Variants in IMPDH1 observed in about 807,000 individuals in gnomAD.
The protein encoded by IMPDH1 is inosine monophosphate dehydrogenase 1, also known as inosine-5'-monophosphate dehydrogenase 1.
IMPDH1 carries 41 observed loss-of-function variants against 73.5 expected under a neutral mutation model. That is an observed-to-expected ratio of 0.56 (90% CI 0.43 to 0.72). IMPDH1 has a LOEUF of 0.72. Among genes scored for constraint, IMPDH1 ranks in the 30% least tolerant of loss-of-function variants. The pLI is 0.00. For synonymous variants in IMPDH1, 318 were observed against 334.3 expected, an observed-to-expected ratio of 0.95 and a Z score of 0.53; for missense variants, 645 against 824.8, an observed-to-expected ratio of 0.78 and a Z score of 2.67.
chr7:128,400,694 G>C lies in IMPDH1; in HGVS notation c.579+123C>G, dbSNP rs187267062. The C allele has an allele frequency of 3.8e-4, 447 of 1,187,130 alleles. 2 individuals carry two copies. The highest frequency in any genetic ancestry group is 3.1e-3 in the African/African-American group (206 of 66,644). 73.5% of individuals were successfully genotyped at this position (1,187,130 alleles called of 1,614,324 possible). On this transcript the variant is annotated intron_variant, in intron 7 of 16. Coordinates refer to ENST00000338791, the MANE Select transcript of IMPDH1 (RefSeq NM_000883.4). ...GGGAAAATGAGGGCTCGGCCCCAAG[G>C]CTCCACTGAGAGGAAGGACACGCAG...
intron 10 of IMPDH1, among the ~76,000 whole-genome samples, chr7:128,397,538 CA>C (rs1798012801): frequency 6.6e-6 from 1 of 152,286 alleles, no homozygotes. Flanking sequence ...CCTTTGTTTG[CA>C]GTCTGTTGTG....
Position 128,409,449 on chromosome 7 carries a change from G to A in IMPDH1, c.182C>T (p.Pro61Leu). Residue 61 changes from proline to leucine, a missense_variant, in exon 2 of 17, where the codon CCC becomes CTC. By Grantham distance (98) the Pro-to-Leu change is moderately conservative (BLOSUM62 -3). This residue lies in a region of IMPDH1 where 186 missense variants were observed against 186.6 expected (regional missense o/e 1.00). Transcript: ENST00000338791. ...RLDLATHPTT[P>L]RSELSSVVLL... ...CCAGGAGTTGGAGCCACCTGAACGG[G>A]GTGTCGTCGGGTGTGTAGCGAGGTC... 1 of 1,614,204 alleles carries A rather than the reference G, an allele frequency of 6.2e-7. No homozygotes were observed. The highest frequency in any genetic ancestry group is 8.5e-7 in the Non-Finnish European group (1 of 1,180,030).
chr7:128,397,146 T>C (rs1584723534), intron 10 of IMPDH1, 124 bp from the exon 11 acceptor site: 1 of 639,756 alleles, frequency 1.6e-6, no homozygotes, highest in Non-Finnish European at 2.7e-6. Context: ...TCTTTCCTTC[T>C]GGTTGTTTTT....
chr7:128,405,806 G>T lies in IMPDH1; in HGVS notation c.314C>A (p.Ala105Glu), dbSNP rs1484856622. The T allele has an allele frequency of 5.8e-6, 9 of 1,543,174 alleles. No individual in the cohort carries two copies. Among genetic ancestry groups the T allele is most frequent in the Non-Finnish European group, 7.9e-6 (9 of 1,146,068 alleles). Residue 105 changes from alanine (A) to glutamate (E), a missense_variant, in exon 4 of 17, where the codon GCG becomes GAG. This residue lies in a region of IMPDH1 where 186 missense variants were observed against 186.6 expected (regional missense o/e 1.00). Transcript: ENST00000338791. ...GTCGGCGCTGGCGAAGAGCTGCTGC[G>T]CGGTGAGCCCATCCTCGGGCACGTA... ...TGYVPEDGLT[A>E]QQLFASADGL... is the part of the protein sequence containing the mutation.
rs1385637372 is a variant in IMPDH1 at position 128,396,433 on chromosome 7, G to A, written c.1261+167C>T. Among the ~76,000 whole-genome samples, 1 of 152,208 alleles carries A rather than the reference G, an allele frequency of 6.6e-6. No homozygotes were observed. The highest frequency in any genetic ancestry group is 1.5e-5 in the Non-Finnish European group (1 of 68,030). On this transcript the variant is annotated intron_variant, in intron 12 of 16. Transcript: ENST00000338791. This position sits in a 1 kb window ranked among gnomAD's most constrained non-coding sequence, Gnocchi z 4.0. ...CAGCTCTTGCACCCTGCTTACACCTGCCTTCCCCTAAGTCAGTGGGCCCGA... is the reference window on the plus strand; with the variant it reads ...CAGCTCTTGCACCCTGCTTACACCTACCTTCCCCTAAGTCAGTGGGCCCGA...
In IMPDH1 at chr7:128,396,780, A is replaced by AC. The variant is rs565650720; in HGVS notation, c.1166-86dup. On this transcript the variant is annotated intron_variant, in intron 11 of 16. Transcript: ENST00000338791. The surrounding 1 kb of genome is among the most constrained non-coding windows in gnomAD (Gnocchi z 4.0). ...CAGCCTCTTGGGACCCCAGTCTAGC[A>AC]CCCCCCAACCCCCCTACAGTGACCA... 8 of 1,244,044 alleles carry AC rather than the reference A, an allele frequency of 6.4e-6. No homozygotes were observed. In the Admixed American group the frequency reaches 1.2e-4, roughly 19 times the overall value. The allele number at this position is 1,244,044 out of a possible 1,614,324, so 77.1% of individuals were successfully genotyped here.
chr7:128,400,909 T>C lies in IMPDH1; in HGVS notation c.505-18A>G. ...CCCATCAGCTGATGTAGAAGGGAAG[T>C]GTGGTCAGAGCCGGGGCCCATTCCT... On this transcript the variant is annotated intron_variant, in intron 6 of 16. Coordinates refer to ENST00000338791, the MANE Select transcript of IMPDH1 (RefSeq NM_000883.4). 1 of 1,612,358 alleles carries C rather than the reference T, an allele frequency of 6.2e-7. No individual in the cohort carries two copies. Among genetic ancestry groups the C allele is most frequent in the Non-Finnish European group, 8.5e-7 (1 of 1,178,394 alleles).
intron 3 of IMPDH1, among the ~76,000 whole-genome samples, chr7:128,408,564 G>T (rs1483991477): frequency 5.0e-5 from 2 of 40,400 alleles, no homozygotes; most frequent in African/African-American, 1.1e-4. Context: ...AGCCCAAGTG[G>T]GGGGTGCGGG....
intron 4 of IMPDH1, 133 bp downstream of exon 4, chr7:128,405,633 GC>G: frequency 1.5e-6 from 2 of 1,304,354 alleles, no homozygotes; most frequent in South Asian, 3.3e-5. Flanking sequence ...TCCTTCCCGT[GC>G]CCAGCCCCCA....
In IMPDH1 at chr7:128,396,460, G is replaced by A. The variant is rs549267733; in HGVS notation, c.1261+140C>T. 30 of 735,038 alleles carry A rather than the reference G, an allele frequency of 4.1e-5. No homozygotes were observed. Among genetic ancestry groups the A allele is most frequent in the East Asian group, 2.7e-4 (10 of 37,098 alleles). 45.5% of individuals were successfully genotyped at this position (735,038 alleles called of 1,614,324 possible). A position where few individuals can be genotyped will look rare whatever the true frequency, so the allele number is the denominator to read the frequency against. On this transcript the variant is annotated intron_variant, in intron 12 of 16. Coordinates refer to ENST00000338791, the MANE Select transcript of IMPDH1 (RefSeq NM_000883.4). The surrounding 1 kb of genome is among the most constrained non-coding windows in gnomAD (Gnocchi z 4.0). The stretch of plus-strand genomic sequence containing the variant: ...CTTCCCCTAAGTCAGTGGGCCCGAT[G>A]GGGTGGGGCCCATGCCTGGGTCACC...
chr7:128,403,256 A>G (rs1002699551), intron 5 of IMPDH1, among the ~76,000 whole-genome samples: 2 of 152,100 alleles, frequency 1.3e-5, no homozygotes, highest in African/African-American at 4.8e-5. Flanking sequence ...TCTGGCAACA[A>G]TAAAGGCTAT....
intron 3 of IMPDH1, 126 bp from the exon 4 acceptor site, chr7:128,405,991 G>GGC: frequency 1.6e-6 from 1 of 618,718 alleles, no homozygotes; most frequent in Non-Finnish European, 2.0e-6. Flanking sequence ...GGGCGGGCCG[G>GGC]GGGCGGGGGC....
rs1358636598 is a variant in IMPDH1, at chr7:128,396,766, G to A, written c.1166-71C>T. 1.3e-5 allele frequency: 18 copies of A among 1,380,724 alleles called. No individual in the cohort carries two copies. The highest frequency in any genetic ancestry group is 2.0e-5 in the Admixed American group (1 of 50,712). 85.5% of individuals were successfully genotyped at this position (1,380,724 alleles called of 1,614,324 possible). ...CCCTGCCTGCCCAACAGCCTCTTGG[G>A]ACCCCAGTCTAGCACCCCCCAACCC... On this transcript the variant is annotated intron_variant, in intron 11 of 16. Transcript: ENST00000338791. This position sits in a 1 kb window ranked among gnomAD's most constrained non-coding sequence, Gnocchi z 4.0.
rs751655097 is a variant in IMPDH1 at position 128,405,759 on chromosome 7, G to T, written c.353+8C>A. 7.4e-5 allele frequency: 113 copies of T among 1,535,456 alleles called. 1 individual carries two copies. Among genetic ancestry groups the T allele is most frequent in the Non-Finnish European group, 9.0e-5 (103 of 1,141,848 alleles). On this transcript the variant is annotated splice_region_variant and intron_variant, in intron 4 of 16. Transcript: ENST00000338791. ...CGCGCACCTAGGGGTACGAGACCCGGCGCTTACTTGTAGGTGAGGCCGTCG... is the reference window on the plus strand; with the variant it reads ...CGCGCACCTAGGGGTACGAGACCCGTCGCTTACTTGTAGGTGAGGCCGTCG...
At position 128,395,519 on chromosome 7, in the gene IMPDH1, C is replaced by T. The variant is rs541728546; in HGVS notation, c.1262-245G>A. Among the ~76,000 whole-genome samples the T allele has an allele frequency of 8.9e-4, 135 of 152,368 alleles. 1 individual carries two copies. Among genetic ancestry groups the T allele is most frequent in the Non-Finnish European group, 1.4e-3 (98 of 68,032 alleles). On this transcript the variant is annotated intron_variant, in intron 12 of 16. Coordinates refer to ENST00000338791, the MANE Select transcript of IMPDH1 (RefSeq NM_000883.4). ...GGGATTCTGACGGGGGAACCAGAAG[C>T]GGCCTTCAGAGCCCAATGCCCCCAG...
Position 128,394,798 on chromosome 7 carries a change from G to A in IMPDH1, c.1550+91C>T. 18 of 1,515,364 alleles carry A rather than the reference G, an allele frequency of 1.2e-5. No individual in the cohort carries two copies. In the South Asian group the frequency reaches 2.0e-4, roughly 17 times the overall value. 93.9% of individuals were successfully genotyped at this position (1,515,364 alleles called of 1,614,324 possible). A position where few individuals can be genotyped will look rare whatever the true frequency, so the allele number is the denominator to read the frequency against. On this transcript the variant is annotated intron_variant, in intron 14 of 16. Transcript: ENST00000338791. The surrounding 1 kb of genome is among the most constrained non-coding windows in gnomAD (Gnocchi z 5.5). ...TCAGTTTCCAGAACCACCATATGGGGACTGGCTGCCATCTGGGGAAGTCGG... is the reference window on the plus strand; with the variant it reads ...TCAGTTTCCAGAACCACCATATGGGAACTGGCTGCCATCTGGGGAAGTCGG...
chr7:128,396,621 A>G lies in IMPDH1; in HGVS notation c.1240T>C (p.Ser414Pro). The change falls in exon 12 of 17, where the codon TCC (serine) becomes CCC (proline). Residue 414 changes from serine (S) to proline (P), a missense_variant. Around this residue, in one of 2 missense-constraint regions of IMPDH1, gnomAD observed 459 missense variants for 638.2 expected, o/e 0.72. Coordinates refer to ENST00000338791, the MANE Select transcript of IMPDH1 (RefSeq NM_000883.4). The surrounding 1 kb of genome is among the most constrained non-coding windows in gnomAD (Gnocchi z 4.0). The stretch of plus-strand genomic sequence containing the variant: ...CCACCTTCCTGGGTGATGCAGATGG[A>G]GCCGCAGCCCATGCCCACGCGCAGC... ...DGLRVGMGCGSICITQEVMAC... is the reference protein window; with the variant it reads ...DGLRVGMGCGPICITQEVMAC... 6.4e-7 allele frequency: 1 copy of G among 1,555,204 alleles called. No individual in the cohort carries two copies. Among genetic ancestry groups the G allele is most frequent in the East Asian group, 2.4e-5 (1 of 41,370 alleles).
Position 128,401,095 on chromosome 7 carries a change from G to T in IMPDH1, c.424C>A (p.Arg142=), listed in dbSNP as rs376769056. ...AGTGGCGTCTTCAGCGTGATCTTCC[G>T]GGTCAGGGCTGAGGTCAGGTCCTGA... is the stretch of plus-strand genomic sequence containing the variant. ...DEVDLTSALT[R]KITLKTPLIS... Residue 142 remains arginine (R), a synonymous_variant, in exon 6 of 17, where the codon CGG becomes AGG. Transcript: ENST00000338791. 1.2e-5 allele frequency: 20 copies of T among 1,613,792 alleles called. No homozygotes were observed. Among genetic ancestry groups the T allele is most frequent in the South Asian group, 9.9e-5 (9 of 91,070 alleles).
At position 128,400,428 on chromosome 7, in the gene IMPDH1, C is replaced by T; in HGVS notation, c.691G>A (p.Glu231Lys). 6.2e-7 allele frequency: 1 copy of T among 1,612,406 alleles called. No homozygotes were observed. Among genetic ancestry groups the T allele is most frequent in the Non-Finnish European group, 8.5e-7 (1 of 1,179,930 alleles). ...RHGFSGIPIT[E>K]TGTMGSKLVG... ...AGCTTGCTGCCCATGGTGCCCGTCT[C>T]AGTGATGGGGATGCCAGAGAAGCCA... The change falls in exon 8 of 17, where the codon GAG becomes AAG. Residue 231 changes from glutamate to lysine, a missense_variant. Physicochemically the swap from Glu to Lys is moderately conservative, Grantham distance 56. Around this residue, in one of 2 missense-constraint regions of IMPDH1, gnomAD observed 459 missense variants for 638.2 expected, o/e 0.72. Coordinates refer to ENST00000338791, the MANE Select transcript of IMPDH1 (RefSeq NM_000883.4).
Sources: allele counts gnomAD v4.1 joint callset (sites outside exome capture counted in the v4.1 genomes callset), GRCh38; gene constraint gnomAD v4.1.1; regional missense constraint gnomAD v4.1.1; non-coding constraint Gnocchi (gnomAD v3.1); transcripts MANE v1.5; gene names NCBI Gene and HGNC (gene_info 2026-07-23, HGNC 2026-07-21).